IL20RB: variants seen among roughly 807,000 people sequenced by gnomAD.
IL20RB encodes interleukin-20 receptor subunit beta.
In IL20RB, 21 loss-of-function variants were observed where a neutral mutation model predicts 33.3. That is an observed-to-expected ratio of 0.63 (90% CI 0.45 to 0.91). The LOEUF (loss-of-function observed/expected upper bound fraction) is 0.91. IL20RB is among the 40% of genes least tolerant of loss of function. IL20RB has a pLI of 0.00. For missense variants in IL20RB, 345 were observed against 384.8 expected (o/e 0.90, Z 0.86); for synonymous variants, 147 against 146.8 (o/e 1.00, Z -0.01).
chr3:136,958,569 CAA>C (rs1157243831), intron 1 of IL20RB, among the ~76,000 whole-genome samples: 1 of 152,106 alleles, frequency 6.6e-6, no homozygotes, highest in Non-Finnish European at 1.5e-5. Context: ...CAAATTAAAA[CAA>C]AGATTCTAGC....
rs553083211 is a variant in IL20RB at position 136,999,687 on chromosome 3, T to C, written c.825+4131T>C. On this transcript the variant is annotated intron_variant, in intron 6 of 6. Transcript: ENST00000329582. ...TTTTTATAAAAAACTTCTTTTCCTCTTCTTTATTCTTCAGATTGAATAATT... is the reference window on the plus strand; with the variant it reads ...TTTTTATAAAAAACTTCTTTTCCTCCTCTTTATTCTTCAGATTGAATAATT... 8.5e-4 allele frequency among the ~76,000 whole-genome samples: 129 copies of C among 152,292 alleles called. 1 individual carries two copies. The South Asian group carries it at 0.026, about 31-fold the overall frequency.
intron 4 of IL20RB, among the ~76,000 whole-genome samples, chr3:136,989,955 G>A (rs1030321475): frequency 1.3e-5 from 2 of 152,076 alleles, no homozygotes; most frequent in South Asian, 2.1e-4. Context: ...AGCACACAAC[G>A]CTGGTACAAA....
At chr3:136,996,313 A>G (rs900627166) in intron 6 of IL20RB, among the ~76,000 whole-genome samples, 12 of 152,228 alleles carry the variant, frequency 7.9e-5, no homozygotes, top group Non-Finnish European at 1.3e-4. Context: ...GACCTCAACC[A>G]CACAAAGCAG....
chr3:136,995,427 C>G lies in IL20RB; in HGVS notation c.696C>G (p.Pro232=), dbSNP rs746638491. Residue 232 remains proline (P), a synonymous_variant, in exon 6 of 7, where the codon CCC becomes CCG. Coordinates refer to ENST00000329582, the MANE Select transcript of IL20RB (RefSeq NM_144717.4). ...ECVEVQGEAI[P]LVLALFAFVG... is the part of the protein sequence containing the mutation. ...TTTTGTTTCCAGGAGAGGCCATTCC[C>G]CTGGTACTGGCCCTGTTTGCCTTTG... is the stretch of plus-strand genomic sequence containing the variant. 24 of 1,614,112 alleles carry G rather than the reference C, an allele frequency of 1.5e-5. No individual in the cohort carries two copies. The highest frequency in any genetic ancestry group is 4.4e-5 in the South Asian group (4 of 91,062).
intron 3 of IL20RB, among the ~76,000 whole-genome samples, chr3:136,984,156 T>C (rs959830817): frequency 6.6e-6 from 1 of 152,142 alleles, no homozygotes; most frequent in African/African-American, 2.4e-5. Flanking sequence ...AGTTAACAGC[T>C]AAAGGCTTGG....
At chr3:136,995,610 G>A in intron 6 of IL20RB, 54 bp downstream of exon 6, 2 of 1,576,428 alleles carry the variant, frequency 1.3e-6, no homozygotes, top group East Asian at 2.2e-5. Context: ...GATGTAGTTT[G>A]GGCCTTAGCT....
intron 3 of IL20RB, among the ~76,000 whole-genome samples, chr3:136,984,869 G>A (rs532105029): frequency 2.6e-4 from 39 of 152,174 alleles, no homozygotes; most frequent in Non-Finnish European, 5.0e-4. Flanking sequence ...GAGATTAAGG[G>A]GCCCTGTAGG....
chr3:136,976,490 A>G (rs796888585), intron 1 of IL20RB, among the ~76,000 whole-genome samples: 16 of 152,206 alleles, frequency 1.1e-4, no homozygotes, highest in African/African-American at 3.4e-4. Flanking sequence ...AGCCAGCCAC[A>G]CCTAGCTTGA....
At chr3:136,973,102 T>G (rs1351608148) in intron 1 of IL20RB, among the ~76,000 whole-genome samples, 1 of 152,204 alleles carries the variant, frequency 6.6e-6, no homozygotes, top group East Asian at 1.9e-4. Flanking sequence ...AAACTGGACT[T>G]TACACCAGTT....
chr3:136,958,335 C>T (rs1941099269), intron 1 of IL20RB, 134 bp downstream of exon 1: 1 of 579,934 alleles, frequency 1.7e-6, no homozygotes, highest in Non-Finnish European at 3.0e-6. Flanking sequence ...AAAGATTTAT[C>T]ACCTCCTAAA....
At chr3:136,996,670 T>A (rs1942134067) in intron 6 of IL20RB, among the ~76,000 whole-genome samples, 1 of 152,228 alleles carries the variant, frequency 6.6e-6, no homozygotes, top group African/African-American at 2.4e-5. Flanking sequence ...CAGGTAGTCA[T>A]AACGATGTTA....
intron 3 of IL20RB, among the ~76,000 whole-genome samples, chr3:136,988,628 A>G (rs926888974): frequency 6.6e-6 from 1 of 152,070 alleles, no homozygotes; most frequent in Non-Finnish European, 1.5e-5. Context: ...CTGTAGTTCC[A>G]GCTACTTGGG....
At chr3:136,984,735 A>T (rs1334992076) in intron 3 of IL20RB, among the ~76,000 whole-genome samples, 1 of 152,060 alleles carries the variant, frequency 6.6e-6, no homozygotes, top group African/African-American at 2.4e-5. Context: ...TCCTTTGCCC[A>T]GGCCTCCTTC....
At chr3:136,987,841 C>T (rs1458563468) in intron 3 of IL20RB, among the ~76,000 whole-genome samples, 1 of 152,208 alleles carries the variant, frequency 6.6e-6, no homozygotes, top group African/African-American at 2.4e-5. Flanking sequence ...GTGCTAAGCC[C>T]CTCATTGCCG....
intron 6 of IL20RB, among the ~76,000 whole-genome samples, chr3:137,009,609 G>A (rs1218101251): frequency 6.6e-6 from 1 of 152,038 alleles, no homozygotes; most frequent in Non-Finnish European, 1.5e-5. Context: ...TGTGATCAGA[G>A]CTTAACTGCA....
At chr3:136,970,222 G>C (rs1348582720) in intron 1 of IL20RB, among the ~76,000 whole-genome samples, 7 of 151,830 alleles carry the variant, frequency 4.6e-5, no homozygotes. Context: ...CTCTGAAGTA[G>C]CTGGGACTGT....
At chr3:136,990,377 C>T (rs1942007299) in intron 4 of IL20RB, among the ~76,000 whole-genome samples, 1 of 152,178 alleles carries the variant, frequency 6.6e-6, no homozygotes, top group African/African-American at 2.4e-5. Context: ...GCCTCACTTA[C>T]CCAGGGCCCT....
chr3:136,964,251 T>A (rs1387405503), intron 1 of IL20RB, among the ~76,000 whole-genome samples: 2 of 52,446 alleles, frequency 3.8e-5, no homozygotes, highest in African/African-American at 1.8e-4. Flanking sequence ...TAGTTCTAGA[T>A]CCCTGAGGAA....
intron 1 of IL20RB, among the ~76,000 whole-genome samples, chr3:136,979,692 C>T (rs1027927796): frequency 1.3e-5 from 2 of 152,190 alleles, no homozygotes; most frequent in Non-Finnish European, 2.9e-5. Context: ...CCCAGACTGG[C>T]TCAGGGGCCT....
Sources: allele counts gnomAD v4.1 joint callset (sites outside exome capture counted in the v4.1 genomes callset), GRCh38; gene constraint gnomAD v4.1.1; transcripts MANE v1.5; gene names NCBI Gene and HGNC (gene_info 2026-07-23, HGNC 2026-07-21).